Variants in TTC7A observed in about 807,000 individuals in gnomAD.
TTC7A encodes the protein tetratricopeptide repeat protein 7A.
TTC7A carries 110 observed loss-of-function variants against 103.7 expected under a neutral mutation model. The observed-to-expected ratio is 1.06, with a 90% CI of 0.91 to 1.24. The LOEUF (loss-of-function observed/expected upper bound fraction) is 1.24, where lower values mean the gene tolerates loss of function less well. Ranked by LOEUF, TTC7A falls within the 50% of genes most tolerant of loss-of-function variation. The pLI is 0.00. For missense variants in TTC7A, 1,340 were observed against 1,116.3 expected, an observed-to-expected ratio of 1.20 and a Z score of -2.86; for synonymous variants, 521 against 467.9, an observed-to-expected ratio of 1.11 and a Z score of -1.47.
chr2:46,943,382 C>T (rs570287564), intron 1 of TTC7A, among the ~76,000 whole-genome samples: 15 of 152,200 alleles, frequency 9.9e-5, no homozygotes, highest in African/African-American at 1.9e-4. Context: ...GTTGGGGACA[C>T]GGAGCCTGGG....
At chr2:46,916,159 C>T (rs978468330) in exon 1 of TTC7A, 3 of 985,526 alleles carry the variant, frequency 3.0e-6, no homozygotes, top group Non-Finnish European at 3.6e-6. Flanking sequence ...CTCACCCCCT[C>T]CTATACAGGG....
intron 1 of TTC7A, among the ~76,000 whole-genome samples, chr2:46,942,171 C>T (rs1022757438): frequency 6.6e-6 from 1 of 152,142 alleles, no homozygotes; most frequent in African/African-American, 2.4e-5. Context: ...GAGGGTTTGA[C>T]GAGCTCCAGG....
chr2:46,958,855 G>A (rs550273369), intron 3 of TTC7A, among the ~76,000 whole-genome samples: 1 of 152,316 alleles, frequency 6.6e-6, no homozygotes, highest in East Asian at 1.9e-4. Context: ...GAGGACGCTG[G>A]TCATTGGTCC....
chr2:47,026,324 G>A (rs933094914), intron 14 of TTC7A, among the ~76,000 whole-genome samples: 6 of 152,198 alleles, frequency 3.9e-5, no homozygotes, highest in Admixed American at 1.3e-4. Context: ...TAGGGCCACC[G>A]ACAAGCCGAG....
chr2:46,967,015 C>T (rs773219901), intron 3 of TTC7A, among the ~76,000 whole-genome samples: 5 of 151,700 alleles, frequency 3.3e-5, no homozygotes, highest in Non-Finnish European at 7.4e-5. Flanking sequence ...GAGTTCAAGA[C>T]CAGCCTGGCC....
At chr2:46,959,688 G>A (rs4952858) in intron 3 of TTC7A, among the ~76,000 whole-genome samples, 47,828 of 152,052 alleles carry the variant, frequency 0.31, 8,731 homozygotes, top group East Asian at 0.64. Context: ...CCTGTGAGGC[G>A]TCACTCACAA....
chr2:47,067,897 A>G (rs1684313292), intron 19 of TTC7A: 1 of 151,244 alleles, frequency 6.6e-6, no homozygotes. Flanking sequence ...AGCCCCAAAG[A>G]CTCATTGCAG....
At chr2:46,928,111 C>T (rs2117167) in intron 2 of TTC7A, among the ~76,000 whole-genome samples, 45,526 of 151,534 alleles carry the variant, frequency 0.3, 8,415 homozygotes, top group East Asian at 0.62. Flanking sequence ...AGGCTGGTCT[C>T]TAACTCCTCG....
In TTC7A at chr2:46,991,641, C is replaced by G. The variant is rs141290350; in HGVS notation, c.765-1809C>G. On this transcript the variant is annotated intron_variant, in intron 5 of 19. Transcript: ENST00000319190. ...AAGAAGGAAGATATAAGGAAAAGTA[C>G]GACATAAATAATAATACCGGTGATA... Among the ~76,000 whole-genome samples, 17 of 152,104 alleles carry G rather than the reference C, an allele frequency of 1.1e-4. No homozygotes were observed. In the East Asian group the frequency reaches 2.9e-3, roughly 26 times the overall value.
At chr2:47,040,883 T>C (rs935876220) in intron 15 of TTC7A, among the ~76,000 whole-genome samples, 6 of 152,246 alleles carry the variant, frequency 3.9e-5, no homozygotes, top group Non-Finnish European at 7.3e-5. Context: ...TGGGCCAGTG[T>C]GTATTCACTT....
At chr2:47,033,157 G>A (rs1680746566) in intron 15 of TTC7A, among the ~76,000 whole-genome samples, 1 of 152,228 alleles carries the variant, frequency 6.6e-6, no homozygotes, top group South Asian at 2.1e-4. Flanking sequence ...TTCCTCAGCT[G>A]CTCTGCATTT....
intron 19 of TTC7A, among the ~76,000 whole-genome samples, chr2:47,070,882 A>C (rs1431293614): frequency 1.3e-5 from 2 of 152,226 alleles, no homozygotes; most frequent in Admixed American, 6.5e-5. Flanking sequence ...GGCTGGCAGC[A>C]CAGCCATGGC....
At chr2:47,055,206 A>C (rs954006052) in intron 18 of TTC7A, among the ~76,000 whole-genome samples, 1 of 152,136 alleles carries the variant, frequency 6.6e-6, no homozygotes, top group Non-Finnish European at 1.5e-5. Context: ...GGAAGGGAAA[A>C]AGATGCCTTG....
rs989749703 is a variant in TTC7A at position 46,956,512 on chromosome 2, G to A, written c.349-327G>A. On this transcript the variant is annotated intron_variant, in intron 2 of 19. Transcript: ENST00000319190. Reference sequence around the variant, plus strand: ...ATGCCTGAGCTTCTGAGTGCCCCCTGGGGCTGCAGTCTTTGGGGGGATTCA... The same window carrying A: ...ATGCCTGAGCTTCTGAGTGCCCCCTAGGGCTGCAGTCTTTGGGGGGATTCA... 10 of 284,794 alleles carry A rather than the reference G, an allele frequency of 3.5e-5. No individual in the cohort carries two copies. The East Asian group carries it at 5.8e-4, about 17-fold the overall frequency. 17.6% of individuals were successfully genotyped at this position (284,794 alleles called of 1,614,324 possible).
At chr2:46,987,150 G>T (rs768549505) in intron 5 of TTC7A, among the ~76,000 whole-genome samples, 3 of 152,192 alleles carry the variant, frequency 2.0e-5, no homozygotes, top group Non-Finnish European at 4.4e-5. Flanking sequence ...CGGTGGGTGG[G>T]GGTGGAGGGC....
chr2:46,917,424 TCATC>T (rs1668869328), intron 2 of TTC7A: 3 of 564,338 alleles, frequency 5.3e-6, no homozygotes, highest in Non-Finnish European at 9.3e-6. Flanking sequence ...ATCCATCTCT[TCATC>T]CATTCATCCA....
chr2:46,974,130 C>G (rs1170706143), intron 3 of TTC7A, among the ~76,000 whole-genome samples: 1 of 152,184 alleles, frequency 6.6e-6, no homozygotes, highest in African/African-American at 2.4e-5. Context: ...CTTGCAGAGT[C>G]CAATTAACAA....
intron 12 of TTC7A, among the ~76,000 whole-genome samples, chr2:47,022,922 G>A (rs1292779909): frequency 6.6e-6 from 1 of 152,222 alleles, no homozygotes; most frequent in Admixed American, 6.5e-5. Flanking sequence ...GGAGGGGCCT[G>A]GATGCAATCA....
Position 47,021,903 on chromosome 2 carries a change from C to G in TTC7A, c.1434C>G (p.Leu478=). The part of the protein sequence containing the change: ...AEHFAMMVIS[L]GEEAGEFLPK... ...ACTTTGCCATGATGGTGATCAGCCTCGGAGAGGAAGCCGGGGAGTTCCTCC... is the reference window on the plus strand; with the variant it reads ...ACTTTGCCATGATGGTGATCAGCCTGGGAGAGGAAGCCGGGGAGTTCCTCC... The change falls in exon 12 of 20, where the codon CTC becomes CTG. Residue 478 remains leucine, a synonymous_variant. Transcript: ENST00000319190. 1 of 1,614,168 alleles carries G rather than the reference C, an allele frequency of 6.2e-7. No individual in the cohort carries two copies. The highest frequency in any genetic ancestry group is 8.5e-7 in the Non-Finnish European group (1 of 1,179,992).
Sources: gnomAD v4.1 joint callset for allele counts (sites outside exome capture counted in the v4.1 genomes callset) on GRCh38, gnomAD v4.1.1 for gene constraint, MANE v1.5 for transcripts, NCBI Gene and HGNC (gene_info 2026-07-23, HGNC 2026-07-21) for gene names.